Variants in OXR1 observed in about 807,000 individuals in gnomAD.
OXR1 encodes the protein oxidation resistance protein 1.
In OXR1, 41 loss-of-function variants were observed where a neutral mutation model predicts 104.6. That is an observed-to-expected ratio of 0.39 (90% CI 0.31 to 0.51). OXR1 has a LOEUF of 0.51. Among genes scored for constraint, OXR1 ranks in the 20% least tolerant of loss-of-function variants. OXR1 has a pLI of 0.77. For missense variants in OXR1, 955 were observed against 1,031.9 expected, an observed-to-expected ratio of 0.93 and a Z score of 1.02; for synonymous variants, 348 against 348.4, an observed-to-expected ratio of 1.00 and a Z score of 0.01.
At chr8:106,625,274 G>A (rs1365580685) in intron 3 of OXR1, among the ~76,000 whole-genome samples, 1 of 152,096 alleles carries the variant, frequency 6.6e-6, no homozygotes, top group African/African-American at 2.4e-5. Context: ...GCAGTCGTGT[G>A]TACCTGTAAT....
At chr8:106,341,096 T>C (rs1471291704) in intron 1 of OXR1, among the ~76,000 whole-genome samples, 1 of 152,098 alleles carries the variant, frequency 6.6e-6, no homozygotes, top group African/African-American at 2.4e-5. Context: ...TTTTATTTAT[T>C]ATATAAAAAA....
intron 1 of OXR1, among the ~76,000 whole-genome samples, chr8:106,308,404 C>T (rs1202497192): frequency 6.6e-6 from 1 of 152,156 alleles, no homozygotes; most frequent in Non-Finnish European, 1.5e-5. Flanking sequence ...TTTCCAGAAA[C>T]GCCCACACAG....
At chr8:106,378,364 C>T (rs1416358378) in intron 2 of OXR1, among the ~76,000 whole-genome samples, 4 of 152,164 alleles carry the variant, frequency 2.6e-5, no homozygotes, top group African/African-American at 9.7e-5. Context: ...GGCTTAGGAA[C>T]TGGAAACCCA....
chr8:106,361,827 G>C (rs960346581), intron 2 of OXR1, among the ~76,000 whole-genome samples: 3 of 152,154 alleles, frequency 2.0e-5, no homozygotes, highest in Non-Finnish European at 4.4e-5. Context: ...TAACTGGGTT[G>C]AAAGATTACT....
At chr8:106,277,146 C>T (rs559687910) in intron 1 of OXR1, among the ~76,000 whole-genome samples, 1 of 152,162 alleles carries the variant, frequency 6.6e-6, no homozygotes, top group South Asian at 2.1e-4. Context: ...TTTATGGTGA[C>T]TGATATGCAT....
At chr8:106,483,235 G>A (rs1822247859) in intron 2 of OXR1, among the ~76,000 whole-genome samples, 1 of 152,078 alleles carries the variant, frequency 6.6e-6, no homozygotes, top group Admixed American at 6.6e-5. Flanking sequence ...AGTCAGTAGA[G>A]AGTTAGTAGC....
chr8:106,550,965 C>G (rs1472619447), intron 3 of OXR1, among the ~76,000 whole-genome samples: 1 of 152,120 alleles, frequency 6.6e-6, no homozygotes, highest in Non-Finnish European at 1.5e-5. Context: ...TTCTTTTATC[C>G]TTCAGCTATC....
intron 1 of OXR1, among the ~76,000 whole-genome samples, chr8:106,297,703 T>A (rs1813058713): frequency 6.6e-6 from 1 of 152,200 alleles, no homozygotes; most frequent in African/African-American, 2.4e-5. Context: ...GTACCTGCTG[T>A]TTGGGGGACA....
chr8:106,593,719 T>C (rs1327489039), intron 3 of OXR1, among the ~76,000 whole-genome samples: 4 of 152,162 alleles, frequency 2.6e-5, no homozygotes, highest in Non-Finnish European at 4.4e-5. Flanking sequence ...GATCTTGCAG[T>C]GTGCAGAAAT....
chr8:106,729,888 A>G (rs1307913093), intron 11 of OXR1: 1 of 152,164 alleles, frequency 6.6e-6, no homozygotes, highest in Admixed American at 6.5e-5. Context: ...TATCTTATGT[A>G]TGCAAGTTAT....
At chr8:106,502,925 A>G (rs1233897616) in intron 2 of OXR1, among the ~76,000 whole-genome samples, 1 of 152,206 alleles carries the variant, frequency 6.6e-6, no homozygotes, top group Admixed American at 6.5e-5. Context: ...CCACACGAAT[A>G]TTAGAACTTC....
At chr8:106,596,209 G>A (rs1022567358) in intron 3 of OXR1, among the ~76,000 whole-genome samples, 5 of 152,068 alleles carry the variant, frequency 3.3e-5, no homozygotes, top group African/African-American at 1.2e-4. Flanking sequence ...ACTTTGGGAG[G>A]CCAAGGTGGG....
intron 3 of OXR1, among the ~76,000 whole-genome samples, chr8:106,532,742 G>A (rs1452650141): frequency 6.6e-6 from 1 of 152,144 alleles, no homozygotes; most frequent in African/African-American, 2.4e-5. Flanking sequence ...TGAAGCCATA[G>A]AAGCTAACCT....
chr8:106,323,694 G>A (rs536650324), intron 1 of OXR1, among the ~76,000 whole-genome samples: 32 of 152,124 alleles, frequency 2.1e-4, no homozygotes, highest in African/African-American at 5.3e-4. Context: ...TAAAAAGTGC[G>A]CAAAGGACAT....
intron 2 of OXR1, among the ~76,000 whole-genome samples, chr8:106,486,453 GA>G (rs1368019346): frequency 5.3e-5 from 8 of 152,000 alleles, no homozygotes; most frequent in Non-Finnish European, 8.8e-5. Flanking sequence ...ACATATTAAG[GA>G]ATCTGATCTT....
intron 1 of OXR1, among the ~76,000 whole-genome samples, chr8:106,284,577 A>C (rs1812416486): frequency 6.6e-6 from 1 of 152,192 alleles, no homozygotes. Context: ...AAAGTCTTCT[A>C]TTTAAACATA....
At chr8:106,513,853 GT>G in intron 2 of OXR1, among the ~76,000 whole-genome samples, 2 of 152,216 alleles carry the variant, frequency 1.3e-5, no homozygotes, top group Non-Finnish European at 2.9e-5. Context: ...TTTTATACCC[GT>G]TTTATAGATG....
At chr8:106,405,239 G>GTGTGTATA (rs371825358) in intron 2 of OXR1, among the ~76,000 whole-genome samples, 1 of 133,058 alleles carries the variant, frequency 7.5e-6, no homozygotes, top group African/African-American at 2.9e-5. Flanking sequence ...GTGTGTGTGT[G>GTGTGTATA]TATAGGCTCA....
chr8:106,560,820 C>T (rs1816619354), intron 3 of OXR1, among the ~76,000 whole-genome samples: 1 of 152,164 alleles, frequency 6.6e-6, no homozygotes, highest in South Asian at 2.1e-4. Context: ...GAGTTCATCT[C>T]ATTGAGACTA....
Sources: allele counts gnomAD v4.1 joint callset (sites outside exome capture counted in the v4.1 genomes callset), GRCh38; gene constraint gnomAD v4.1.1; transcripts MANE v1.5; gene names NCBI Gene and HGNC (gene_info 2026-07-23, HGNC 2026-07-21).